Variants in OTULIN observed in about 807,000 individuals in gnomAD.
The protein encoded by OTULIN is OTU deubiquitinase with linear linkage specificity, also known as ubiquitin thioesterase otulin.
OTULIN carries 15 observed loss-of-function variants against 39.6 expected under a neutral mutation model. That is an observed-to-expected ratio of 0.38 (90% CI 0.25 to 0.58). The LOEUF (loss-of-function observed/expected upper bound fraction) is 0.58, where lower values mean the gene tolerates loss of function less well. Ranked by LOEUF, OTULIN falls within the 20% of genes least tolerant of loss-of-function variation. The pLI, the probability that OTULIN is intolerant of heterozygous loss-of-function variation, is 0.66. For missense variants in OTULIN, 319 were observed against 445.9 expected, an observed-to-expected ratio of 0.72 and a Z score of 2.56; for synonymous variants, 156 against 170.3, an observed-to-expected ratio of 0.92 and a Z score of 0.65.
chr5:14,691,761 A>C (rs1441538242), intron 6 of OTULIN, among the ~76,000 whole-genome samples: 1 of 152,228 alleles, frequency 6.6e-6, no homozygotes, highest in African/African-American at 2.4e-5. Flanking sequence ...TCTTCTTTCT[A>C]ACCCTAGGCA....
chr5:14,697,761 A>G lies in OTULIN; in HGVS notation c.*4713A>G, dbSNP rs1736709021. ...AATTAATCTCATTGATTTGTTTGGT[A>G]TAAGTTTGGGTCAGAAATGAAACTG... is the stretch of plus-strand genomic sequence containing the variant. On this transcript the variant is annotated 3_prime_UTR_variant, in exon 7 of 7. Coordinates refer to ENST00000284274, the MANE Select transcript of OTULIN (RefSeq NM_138348.6). 1.3e-5 allele frequency: 2 copies of G among 152,178 alleles called. No individual in the cohort carries two copies. Among genetic ancestry groups the G allele is most frequent in the Non-Finnish European group, 2.9e-5 (2 of 68,032 alleles). The allele number at this position is 152,178 out of a possible 1,614,324, so 9.4% of individuals were successfully genotyped here.
rs1354542873 is a variant in OTULIN at position 14,690,206 on chromosome 5, A to G, written c.762A>G (p.Pro254=). The G allele has an allele frequency of 1.2e-6, 2 of 1,613,950 alleles. No individual in the cohort carries two copies. The highest frequency in any genetic ancestry group is 2.7e-5 in the African/African-American group (2 of 74,878). ...YNDKEKGKEV[P]FFSVLLFARD... is the part of the protein sequence containing the mutation. ...ATAAAGAGAAAGGAAAGGAAGTACC[A>G]TTTTTCTCTGTGCTTCTGTTTGCTC... Residue 254 remains proline, a synonymous_variant, in exon 6 of 7, where the codon CCA becomes CCG. Coordinates refer to ENST00000284274, the MANE Select transcript of OTULIN (RefSeq NM_138348.6). This position sits in a 1 kb window ranked among gnomAD's most constrained non-coding sequence, Gnocchi z 4.5.
chr5:14,688,032 C>T (rs951932122), intron 5 of OTULIN: 1 of 153,062 alleles, frequency 6.5e-6, no homozygotes, highest in East Asian at 1.9e-4. Context: ...AAGATTCTGC[C>T]CATATTTATC....
intron 2 of OTULIN, among the ~76,000 whole-genome samples, chr5:14,677,507 C>G (rs1358711681): frequency 6.6e-6 from 1 of 152,162 alleles, no homozygotes; most frequent in Non-Finnish European, 1.5e-5. Context: ...AATTTACCTC[C>G]TTTTCTTCCT....
rs148873201 is a variant in OTULIN, at chr5:14,674,308, G to A, written c.229+590G>A. ...CTTGGCTGGCAAAGTTGCATGTGAC[G>A]TACATCCTTAGTTCCCTGAGTGGCC... On this transcript the variant is annotated intron_variant, in intron 2 of 6. Transcript: ENST00000284274. 4.3e-4 allele frequency among the ~76,000 whole-genome samples: 65 copies of A among 152,364 alleles called. 1 individual carries two copies. Among genetic ancestry groups the A allele is most frequent in the Admixed American group, 2.5e-3 (39 of 15,308 alleles).
chr5:14,680,636 T>C (rs1736222806), intron 3 of OTULIN, among the ~76,000 whole-genome samples: 1 of 152,192 alleles, frequency 6.6e-6, no homozygotes, highest in Non-Finnish European at 1.5e-5. Flanking sequence ...TCACTAGGAT[T>C]TTTTGGTGTC....
At chr5:14,702,360 G>A (rs1736814106), downstream of OTULIN, among the ~76,000 whole-genome samples, 2 of 152,178 alleles carry the variant, frequency 1.3e-5, no homozygotes. Flanking sequence ...TGAAGCTTGG[G>A]AACAAGTTAG....
At chr5:14,712,649 A>G in the OTULIN span, among the ~76,000 whole-genome samples, 14 of 152,314 alleles carry the variant, frequency 9.2e-5, no homozygotes, top group African/African-American at 3.4e-4. Flanking sequence ...CTTTGGCGCA[A>G]AACTCTTCAA....
chr5:14,669,056 C>T (rs1376067303), intron 1 of OTULIN, among the ~76,000 whole-genome samples: 9 of 152,062 alleles, frequency 5.9e-5, no homozygotes, highest in Non-Finnish European at 1.3e-4. Context: ...TATTTTATCT[C>T]CAGGTTAAGA....
chr5:14,689,998 A>G, intron 5 of OTULIN, 41 bp from the exon 6 acceptor site: 1 of 1,584,380 alleles, frequency 6.3e-7, no homozygotes, highest in Non-Finnish European at 8.6e-7. Flanking sequence ...AGGGATTTTT[A>G]GAACAAAAAT....
chr5:14,712,785 C>T, the OTULIN span: 2 of 1,336,392 alleles, frequency 1.5e-6, no homozygotes, highest in Non-Finnish European at 1.0e-6. Context: ...CTGACGAACG[C>T]CACCATCCAA....
chr5:14,709,887 C>T, the OTULIN span: 2 of 152,578 alleles, frequency 1.3e-5, no homozygotes, highest in Non-Finnish European at 1.5e-5. Context: ...AATTACATAA[C>T]ATATACAGCA....
Position 14,699,107 on chromosome 5 carries a change from T to C in OTULIN, c.*6059T>C. 1 of 152,256 alleles carries C rather than the reference T, an allele frequency of 6.6e-6. No individual in the cohort carries two copies. The highest frequency in any genetic ancestry group is 1.5e-5 in the Non-Finnish European group (1 of 68,068). The allele number at this position is 152,256 out of a possible 1,614,324, so 9.4% of individuals were successfully genotyped here. On this transcript the variant is annotated 3_prime_UTR_variant, in exon 7 of 7. Coordinates refer to ENST00000284274, the MANE Select transcript of OTULIN (RefSeq NM_138348.6). ...TTCTGACCCAGCCCTGCTGTGTGTT[T>C]GCCGCAAAGAGGTTTGGTGTGTGCG...
the OTULIN span, among the ~76,000 whole-genome samples, chr5:14,714,272 G>A: frequency 5.3e-5 from 8 of 152,342 alleles, no homozygotes; most frequent in Non-Finnish European, 1.2e-4. Flanking sequence ...AGGGCTGCAT[G>A]GCCTGCCCAT....
chr5:14,708,560 C>G, the OTULIN span: 1 of 152,240 alleles, frequency 6.6e-6, no homozygotes, highest in Non-Finnish European at 1.5e-5. Flanking sequence ...TCTCTCATGT[C>G]TAGCTGGATG....
At chr5:14,713,730 C>A in the OTULIN span, 4 of 1,609,720 alleles carry the variant, frequency 2.5e-6, no homozygotes, top group African/African-American at 1.3e-5. This position sits in a 1 kb window ranked among gnomAD's most constrained non-coding sequence, Gnocchi z 4.4. Context: ...CCTGCTGCCT[C>A]TGGACCAGGG....
chr5:14,703,299 A>G (rs974456528), downstream of OTULIN, among the ~76,000 whole-genome samples: 1 of 136,226 alleles, frequency 7.3e-6, no homozygotes, highest in Non-Finnish European at 1.6e-5. Flanking sequence ...CCTTCCCTGC[A>G]CCTTAGCATT....
chr5:14,671,760 G>C (rs1175473260), intron 1 of OTULIN, among the ~76,000 whole-genome samples: 2 of 152,084 alleles, frequency 1.3e-5, no homozygotes, highest in Admixed American at 6.5e-5. Context: ...TACACATTTA[G>C]AGAGAAAAAA....
the OTULIN span, among the ~76,000 whole-genome samples, chr5:14,711,853 C>A: frequency 6.6e-6 from 1 of 152,110 alleles, no homozygotes; most frequent in African/African-American, 2.4e-5. Flanking sequence ...AGGTTCTCAG[C>A]CCCAGCCCCA....
Sources: allele counts gnomAD v4.1 joint callset (sites outside exome capture counted in the v4.1 genomes callset), GRCh38; gene constraint gnomAD v4.1.1; non-coding constraint Gnocchi (gnomAD v3.1); transcripts MANE v1.5; gene names NCBI Gene and HGNC (gene_info 2026-07-23, HGNC 2026-07-21).